The following AP3S1 variants were observed in gnomAD, a reference collection of about 807,000 sequenced individuals.
AP3S1 encodes the protein AP-3 complex subunit sigma-1.
Under a neutral mutation model 21.3 loss-of-function variants are expected in AP3S1, and 12 were observed. The observed-to-expected ratio is 0.56, with a 90% CI of 0.36 to 0.91. The LOEUF is 0.91. Among genes scored for constraint, AP3S1 ranks in the 40% least tolerant of loss-of-function variants. The pLI, the probability that AP3S1 is intolerant of heterozygous loss-of-function variation, is 0.01. For missense variants in AP3S1, 116 were observed against 225.0 expected (o/e 0.52, Z 3.10); for synonymous variants, 48 against 78.4 (o/e 0.61, Z 2.05).
chr5:115,883,815 T>C (rs1428378571), intron 3 of AP3S1, among the ~76,000 whole-genome samples: 1 of 152,236 alleles, frequency 6.6e-6, no homozygotes, highest in African/African-American at 2.4e-5. Flanking sequence ...GTTTTGACAA[T>C]TTATATCAAT....
chr5:115,902,824 A>G (rs1473252208), intron 4 of AP3S1, 61 bp from the exon 5 acceptor site: 1 of 1,225,976 alleles, frequency 8.2e-7, no homozygotes. Flanking sequence ...CAAAAAGTGA[A>G]TCATGAAACT....
At chr5:115,895,615 C>A (rs962590817) in intron 4 of AP3S1, among the ~76,000 whole-genome samples, 2 of 152,132 alleles carry the variant, frequency 1.3e-5, no homozygotes, top group East Asian at 1.9e-4. Context: ...CCATTAATGC[C>A]ATGACTTTGA....
chr5:115,873,467 A>G (rs576649671), intron 3 of AP3S1, among the ~76,000 whole-genome samples: 34 of 152,278 alleles, frequency 2.2e-4, no homozygotes, highest in African/African-American at 7.9e-4. Flanking sequence ...CCACATGCTG[A>G]TGTATTGTGT....
rs1416099823 is a variant in AP3S1, at chr5:115,907,769, T to C, written c.453+4777T>C. On this transcript the variant is annotated intron_variant, in intron 5 of 5. Transcript: ENST00000316788. ...TTTACAAAACTAATTTTTCTTCTGATATTTCCTGTACGTTTTTTCACACCA... is the reference window on the plus strand; with the variant it reads ...TTTACAAAACTAATTTTTCTTCTGACATTTCCTGTACGTTTTTTCACACCA... Among the ~76,000 whole-genome samples, 3 of 152,210 alleles carry C rather than the reference T, an allele frequency of 2.0e-5. No homozygotes were observed. In the South Asian group the frequency reaches 6.2e-4, roughly 32 times the overall value.
intron 5 of AP3S1, among the ~76,000 whole-genome samples, chr5:115,910,019 T>C (rs969576472): frequency 1.3e-5 from 2 of 152,098 alleles, no homozygotes; most frequent in African/African-American, 2.4e-5. Context: ...ATACCAACAC[T>C]TTGAGGGGCC....
intron 5 of AP3S1, among the ~76,000 whole-genome samples, chr5:115,904,708 A>G (rs550128581): frequency 2.0e-5 from 3 of 152,362 alleles, no homozygotes; most frequent in African/African-American, 4.8e-5. Context: ...CTGACTTGCA[A>G]TATATTATTT....
At chr5:115,899,553 A>C (rs1751039218) in intron 4 of AP3S1, among the ~76,000 whole-genome samples, 1 of 152,194 alleles carries the variant, frequency 6.6e-6, no homozygotes. Context: ...CTCCCAAAGC[A>C]TTGAGATTAC....
intron 3 of AP3S1, among the ~76,000 whole-genome samples, chr5:115,877,181 G>A (rs1369901676): frequency 6.6e-6 from 1 of 151,724 alleles, no homozygotes; most frequent in Non-Finnish European, 1.5e-5. Flanking sequence ...GAAAAGCTTT[G>A]TAATATATAT....
chr5:115,894,174 T>G (rs1378023793), intron 3 of AP3S1, among the ~76,000 whole-genome samples: 4 of 152,196 alleles, frequency 2.6e-5, no homozygotes, highest in Admixed American at 6.5e-5. Context: ...AGCTGTCAGG[T>G]GTTCCTTTCT....
intron 1 of AP3S1, chr5:115,853,074 A>G (rs1475447675): frequency 3.4e-5 from 15 of 443,068 alleles, no homozygotes; most frequent in South Asian, 2.4e-4. Context: ...TGACTGTACC[A>G]TTTTACATTC....
chr5:115,852,444 T>TA (rs11378932), intron 1 of AP3S1, among the ~76,000 whole-genome samples: 2,304 of 152,038 alleles, frequency 0.015, 50 homozygotes, highest in African/African-American at 0.052. Flanking sequence ...GCTAACCTTT[T>TA]AAAAAAAATC....
At chr5:115,888,801 T>C (rs1222395048) in intron 3 of AP3S1, among the ~76,000 whole-genome samples, 1 of 152,170 alleles carries the variant, frequency 6.6e-6, no homozygotes, top group African/African-American at 2.4e-5. Flanking sequence ...ATAATTATCA[T>C]GTATTTTGAA....
At chr5:115,894,520 G>C (rs1296739122) in intron 3 of AP3S1, among the ~76,000 whole-genome samples, 1 of 152,176 alleles carries the variant, frequency 6.6e-6, no homozygotes, top group Non-Finnish European at 1.5e-5. Flanking sequence ...CCATTTATGG[G>C]AATGTGCAGA....
rs1000384709 is a variant in AP3S1 at position 115,859,082 on chromosome 5, C to T, written c.70-7588C>T. On this transcript the variant is annotated intron_variant, in intron 1 of 5. Transcript: ENST00000316788. ...TCTTCAGCTGTCCAATAATCCTTGA[C>T]TGACTGCTCCTTTCTAAGGATAGGG... 2.0e-5 allele frequency among the ~76,000 whole-genome samples: 3 copies of T among 152,128 alleles called. No individual in the cohort carries two copies. The South Asian group carries it at 6.2e-4, about 31-fold the overall frequency.
At position 115,866,779 on chromosome 5, in the gene AP3S1, T is replaced by G. The variant is rs775147962; in HGVS notation, c.161+18T>G. 6.6e-7 allele frequency: 1 copy of G among 1,517,836 alleles called. No individual in the cohort carries two copies. The highest frequency in any genetic ancestry group is 1.2e-5 in the South Asian group (1 of 84,384). The allele number at this position is 1,517,836 out of a possible 1,614,324, so 94.0% of individuals were successfully genotyped here. Reference sequence around the variant, plus strand: ...GGAGGATTGTAAGTAAAGCATTTCATAGACATTTCTAAGTTTTGACTATGT... The same window carrying G: ...GGAGGATTGTAAGTAAAGCATTTCAGAGACATTTCTAAGTTTTGACTATGT... On this transcript the variant is annotated intron_variant, in intron 2 of 5. Transcript: ENST00000316788.
chr5:115,871,762 G>A lies in AP3S1; in HGVS notation c.273+1634G>A, dbSNP rs556014827. Reference sequence around the variant, plus strand: ...TAGCTCATTGAGTCCTTTATGCTACGCAAGAATCATTTTCTGTTTCCCCGG... The same window carrying A: ...TAGCTCATTGAGTCCTTTATGCTACACAAGAATCATTTTCTGTTTCCCCGG... On this transcript the variant is annotated intron_variant, in intron 3 of 5. Coordinates refer to ENST00000316788, the MANE Select transcript of AP3S1 (RefSeq NM_001284.4). 9.2e-5 allele frequency among the ~76,000 whole-genome samples: 14 copies of A among 151,892 alleles called. 1 individual carries two copies. The highest frequency in any genetic ancestry group is 2.6e-4 in the Admixed American group (4 of 15,260).
chr5:115,866,705 T>C lies in AP3S1; in HGVS notation c.105T>C (p.Thr35=). ...EDTQQQIIRE[T]FHLVSKRDEN... Reference sequence around the variant, plus strand: ...CACAACAGCAAATCATCAGGGAGACTTTCCATTTGGTATCTAAGAGAGATG... The same window carrying C: ...CACAACAGCAAATCATCAGGGAGACCTTCCATTTGGTATCTAAGAGAGATG... The change falls in exon 2 of 6, where the codon ACT becomes ACC. Residue 35 remains threonine, a synonymous_variant. Coordinates refer to ENST00000316788, the MANE Select transcript of AP3S1 (RefSeq NM_001284.4). 5 of 1,606,734 alleles carry C rather than the reference T, an allele frequency of 3.1e-6. No individual in the cohort carries two copies. Among genetic ancestry groups the C allele is most frequent in the Non-Finnish European group, 4.3e-6 (5 of 1,175,424 alleles).
intron 4 of AP3S1, among the ~76,000 whole-genome samples, chr5:115,897,798 G>T (rs1425210988): frequency 6.6e-6 from 1 of 151,846 alleles, no homozygotes; most frequent in Non-Finnish European, 1.5e-5. Flanking sequence ...TCCTGACCTC[G>T]TGATCTGCCT....
At chr5:115,864,959 G>A (rs1341076251) in intron 1 of AP3S1, among the ~76,000 whole-genome samples, 2 of 152,140 alleles carry the variant, frequency 1.3e-5, no homozygotes, top group East Asian at 1.9e-4. Flanking sequence ...GTAATATGAT[G>A]CTAAAGCTAA....
Sources: gnomAD v4.1 joint callset for allele counts (sites outside exome capture counted in the v4.1 genomes callset) on GRCh38, gnomAD v4.1.1 for gene constraint, MANE v1.5 for transcripts, NCBI Gene and HGNC (gene_info 2026-07-23, HGNC 2026-07-21) for gene names.